GNAZ: variants seen among roughly 807,000 people sequenced by gnomAD.
The protein encoded by GNAZ is guanine nucleotide-binding protein G(z) subunit alpha.
In GNAZ, 3 loss-of-function variants were observed where a neutral mutation model predicts 25.4. The observed-to-expected ratio is 0.12, with a 90% CI of 0.05 to 0.30. The LOEUF is 0.30. GNAZ is among the 10% of genes least tolerant of loss of function. GNAZ has a pLI of 1.00. For missense variants in GNAZ, 241 were observed against 501.8 expected (o/e 0.48, Z 4.97); for synonymous variants, 211 against 205.7 (o/e 1.03, Z -0.22).
chr22:23,085,358 C>G (rs1297695126), intron 1 of GNAZ, among the ~76,000 whole-genome samples: 1 of 152,176 alleles, frequency 6.6e-6, no homozygotes, highest in Non-Finnish European at 1.5e-5. Flanking sequence ...CACCATGTCC[C>G]CCTGTCCCCA....
chr22:23,098,608 G>A (rs566196743), intron 2 of GNAZ, among the ~76,000 whole-genome samples: 1 of 152,374 alleles, frequency 6.6e-6, no homozygotes, highest in South Asian at 2.1e-4. Context: ...CCTGGTTTCT[G>A]CAGGCCTGGG....
Position 23,071,316 on chromosome 22 carries a change from G to T in GNAZ, c.-450+746G>T, listed in dbSNP as rs942532643. Among the ~76,000 whole-genome samples, 1 of 152,222 alleles carries T rather than the reference G, an allele frequency of 6.6e-6. No homozygotes were observed. The highest frequency in any genetic ancestry group is 2.4e-5 in the African/African-American group (1 of 41,460). On this transcript the variant is annotated intron_variant, in intron 1 of 2. Coordinates refer to ENST00000615612, the MANE Select transcript of GNAZ (RefSeq NM_002073.4). The surrounding 1 kb of genome is among the most constrained non-coding windows in gnomAD (Gnocchi z 4.1). ...AGGGCGGTGCTGAGCCTTCCTGGGT[G>T]ATGATGGCAGGATTCGGCCTAGGCC... is the stretch of plus-strand genomic sequence containing the variant.
chr22:23,099,332 C>T (rs560660861), intron 2 of GNAZ, among the ~76,000 whole-genome samples: 10 of 152,368 alleles, frequency 6.6e-5, no homozygotes, highest in African/African-American at 1.4e-4. Context: ...TCCATGGCCA[C>T]GGTTCCCACC....
intron 2 of GNAZ, among the ~76,000 whole-genome samples, chr22:23,103,183 T>C (rs1474781479): frequency 2.0e-5 from 3 of 152,148 alleles, no homozygotes; most frequent in Non-Finnish European, 2.9e-5. Context: ...ATTTTCAGGA[T>C]GTTTGTGAGC....
intron 2 of GNAZ, among the ~76,000 whole-genome samples, chr22:23,101,471 G>A (rs1293727556): frequency 6.6e-6 from 1 of 152,174 alleles, no homozygotes; most frequent in East Asian, 1.9e-4. Context: ...GTGAGTGGCT[G>A]TGAAGGTTGA....
intron 2 of GNAZ, among the ~76,000 whole-genome samples, chr22:23,104,701 A>G (rs2069409606): frequency 6.6e-6 from 1 of 152,120 alleles, no homozygotes; most frequent in Non-Finnish European, 1.5e-5. Flanking sequence ...ATCCCTAGTA[A>G]CCAGTGTAGA....
At chr22:23,078,777 G>A (rs556565891) in intron 1 of GNAZ, among the ~76,000 whole-genome samples, 1 of 152,198 alleles carries the variant, frequency 6.6e-6, no homozygotes, top group African/African-American at 2.4e-5. Context: ...TGTATGTGGG[G>A]TGGGAGCACA....
intron 2 of GNAZ, 143 bp from the exon 3 acceptor site, chr22:23,122,944 T>C: frequency 1.6e-6 from 1 of 618,952 alleles, no homozygotes; most frequent in Non-Finnish European, 2.9e-6. Context: ...TAACCTGGGC[T>C]TCCCCAGCAG....
intron 2 of GNAZ, among the ~76,000 whole-genome samples, chr22:23,111,469 G>C (rs890360549): frequency 6.6e-6 from 1 of 152,254 alleles, no homozygotes; most frequent in Non-Finnish European, 1.5e-5. Context: ...TGGAAACGGA[G>C]ATGCCAAGGC....
intron 1 of GNAZ, among the ~76,000 whole-genome samples, chr22:23,076,951 G>A (rs2068520951): frequency 6.6e-6 from 1 of 152,224 alleles, no homozygotes; most frequent in Non-Finnish European, 1.5e-5. Flanking sequence ...CCTTGCCTTT[G>A]AGTTGGAAGC....
chr22:23,096,920 G>A (rs548958306), intron 2 of GNAZ, among the ~76,000 whole-genome samples: 1 of 152,362 alleles, frequency 6.6e-6, no homozygotes, highest in African/African-American at 2.4e-5. Context: ...GCAGCCCGAG[G>A]GAGACCTGGA....
intron 1 of GNAZ, among the ~76,000 whole-genome samples, chr22:23,075,922 C>G (rs2068496086): frequency 6.6e-6 from 1 of 152,124 alleles, no homozygotes; most frequent in African/African-American, 2.4e-5. Flanking sequence ...TTTGTGAGGT[C>G]TGCCCCTGTG....
Position 23,123,682 on chromosome 22 carries a change from G to T in GNAZ, c.*251G>T. On this transcript the variant is annotated 3_prime_UTR_variant, in exon 3 of 3. Coordinates refer to ENST00000615612, the MANE Select transcript of GNAZ (RefSeq NM_002073.4). ...ATGGCAAAATCCTCTAAAATGTCGAGGTCTCTTGAAGACTTGAGAAGCTGT... is the reference window on the plus strand; with the variant it reads ...ATGGCAAAATCCTCTAAAATGTCGATGTCTCTTGAAGACTTGAGAAGCTGT... 1 of 523,732 alleles carries T rather than the reference G, an allele frequency of 1.9e-6. No individual in the cohort carries two copies. The highest frequency in any genetic ancestry group is 3.4e-6 in the Non-Finnish European group (1 of 290,892). The allele number at this position is 523,732 out of a possible 1,614,324, so 32.4% of individuals were successfully genotyped here.
chr22:23,078,504 C>T (rs921296799), intron 1 of GNAZ, among the ~76,000 whole-genome samples: 2 of 152,238 alleles, frequency 1.3e-5, no homozygotes, highest in African/African-American at 2.4e-5. Context: ...TGTCGTGGCT[C>T]CTGGAGTGCT....
intron 2 of GNAZ, among the ~76,000 whole-genome samples, chr22:23,112,686 C>T (rs2069687972): frequency 6.6e-6 from 1 of 152,324 alleles, no homozygotes; most frequent in Non-Finnish European, 1.5e-5. Context: ...ATGGCAAGTG[C>T]TCAAGGTAAG....
rs924529486 is a variant in GNAZ at position 23,071,934 on chromosome 22, G to A, written c.-450+1364G>A. On this transcript the variant is annotated intron_variant, in intron 1 of 2. Transcript: ENST00000615612. The surrounding 1 kb of genome is among the most constrained non-coding windows in gnomAD (Gnocchi z 4.1). ...AGGTATGGCGGGAAAGGCCGGTGGG[G>A]GCTGCACGGGGCTGAGGGAGCTGGG... 3.3e-5 allele frequency among the ~76,000 whole-genome samples: 5 copies of A among 152,158 alleles called. No homozygotes were observed. Among genetic ancestry groups the A allele is most frequent in the Admixed American group, 6.5e-5 (1 of 15,274 alleles).
At chr22:23,074,461 T>G (rs2068459580) in intron 1 of GNAZ, among the ~76,000 whole-genome samples, 1 of 152,164 alleles carries the variant, frequency 6.6e-6, no homozygotes, top group African/African-American at 2.4e-5. Context: ...AAACCCATTC[T>G]GGAGAGGTGG....
chr22:23,102,624 G>T (rs1261652647), intron 2 of GNAZ, among the ~76,000 whole-genome samples: 1 of 152,248 alleles, frequency 6.6e-6, no homozygotes, highest in Non-Finnish European at 1.5e-5. Flanking sequence ...TGCTCTGCCT[G>T]CAGGGCCTTT....
chr22:23,088,105 T>C (rs1213775556), intron 1 of GNAZ, among the ~76,000 whole-genome samples: 1 of 152,256 alleles, frequency 6.6e-6, no homozygotes, highest in Non-Finnish European at 1.5e-5. Flanking sequence ...AGAAGCAAGA[T>C]GGAGTCAGTT....
Sources: gnomAD v4.1 joint callset for allele counts (sites outside exome capture counted in the v4.1 genomes callset) on GRCh38, gnomAD v4.1.1 for gene constraint, Gnocchi (gnomAD v3.1) non-coding constraint, MANE v1.5 for transcripts, NCBI Gene and HGNC (gene_info 2026-07-23, HGNC 2026-07-21) for gene names.